The following SPTA1 variants were observed in gnomAD, a reference collection of about 807,000 sequenced individuals.
SPTA1 encodes spectrin alpha chain, erythrocytic 1.
In SPTA1, 177 loss-of-function variants were observed where a neutral mutation model predicts 324.7. The observed-to-expected ratio is 0.55, with a 90% CI of 0.48 to 0.62. The LOEUF is 0.62. Among genes scored for constraint, SPTA1 ranks in the 20% least tolerant of loss-of-function variants. The pLI is 0.00. For synonymous variants in SPTA1, 1,195 were observed against 1,041.3 expected, an observed-to-expected ratio of 1.15 and a Z score of -2.84; for missense variants, 3,162 against 2,883.6, an observed-to-expected ratio of 1.10 and a Z score of -2.21.
chr1:158,650,364 T>C (rs1249078944), intron 24 of SPTA1, among the ~76,000 whole-genome samples: 2 of 152,236 alleles, frequency 1.3e-5, no homozygotes, highest in Admixed American at 6.5e-5. Context: ...AAGTACATTG[T>C]TCCGCTTCGT....
At chr1:158,644,988 G>C (rs1651883167) in intron 29 of SPTA1, among the ~76,000 whole-genome samples, 200 bp downstream of exon 29, 1 of 152,226 alleles carries the variant, frequency 6.6e-6, no homozygotes, top group South Asian at 2.1e-4. Flanking sequence ...ATCTTGTTTG[G>C]CTCTTCTAAC....
intron 11 of SPTA1, 57 bp downstream of exon 11, chr1:158,672,002 G>T: frequency 6.2e-7 from 1 of 1,606,740 alleles, no homozygotes; most frequent in Non-Finnish European, 8.5e-7. Flanking sequence ...TAGTCATGGT[G>T]GCAAATGAAG....
intron 5 of SPTA1, 121 bp from the exon 6 acceptor site, chr1:158,678,655 G>T: frequency 1.6e-6 from 2 of 1,240,056 alleles, no homozygotes; most frequent in Non-Finnish European, 2.3e-6. Flanking sequence ...GACCATTGTA[G>T]CCAGACACTG....
In SPTA1 at chr1:158,671,930, A is replaced by C; in HGVS notation, c.1488+129T>G. 3 of 1,192,026 alleles carry C rather than the reference A, an allele frequency of 2.5e-6. No homozygotes were observed. In the South Asian group the frequency reaches 3.8e-5, roughly 15 times the overall value. 73.8% of individuals were successfully genotyped at this position (1,192,026 alleles called of 1,614,324 possible). On this transcript the variant is annotated intron_variant, in intron 11 of 51. Transcript: ENST00000643759. The stretch of plus-strand genomic sequence containing the variant: ...GGCCCATCTTTTCTTTTTCTTGTGG[A>C]TCACCCTTTAGTTCCCAAGACAAGC...
rs753347949 is a variant in SPTA1, at chr1:158,647,528, C to G, written c.3896+11G>C. 9 of 1,612,676 alleles carry G rather than the reference C, an allele frequency of 5.6e-6. No homozygotes were observed. The highest frequency in any genetic ancestry group is 5.9e-6 in the Non-Finnish European group (7 of 1,179,792). On this transcript the variant is annotated intron_variant, in intron 27 of 51. Coordinates refer to ENST00000643759, the MANE Select transcript of SPTA1 (RefSeq NM_003126.4). ...AGAGGCCAGACACGGAAGTTACCCACCCCACTCTACCTGGCCTTGCTGAGG... is the reference window on the plus strand; with the variant it reads ...AGAGGCCAGACACGGAAGTTACCCAGCCCACTCTACCTGGCCTTGCTGAGG...
intron 33 of SPTA1, among the ~76,000 whole-genome samples, chr1:158,641,875 G>A (rs1651611532): frequency 6.6e-6 from 1 of 152,116 alleles, no homozygotes; most frequent in Admixed American, 6.6e-5. Context: ...GTTTATTGCG[G>A]CACTATTCAC....
chr1:158,631,727 G>A (rs1481407723), intron 39 of SPTA1, among the ~76,000 whole-genome samples: 1 of 152,124 alleles, frequency 6.6e-6, no homozygotes, highest in East Asian at 1.9e-4. Flanking sequence ...TTAGGAAAAT[G>A]CAAATTAAAC....
At chr1:158,656,414 C>G in intron 20 of SPTA1, 150 bp downstream of exon 20, 1 of 731,734 alleles carries the variant, frequency 1.4e-6, no homozygotes. Context: ...ATTGTGGATG[C>G]TACAGTTCCT....
intron 50 of SPTA1, 26 bp downstream of exon 50, chr1:158,613,695 G>C (rs567760429): frequency 6.2e-7 from 1 of 1,613,150 alleles, no homozygotes; most frequent in Admixed American, 1.7e-5. Context: ...TCCCTGCTGC[G>C]GTCTGACCCT....
chr1:158,617,951 T>G (rs1419132343), intron 46 of SPTA1, 88 bp downstream of exon 46: 1 of 1,269,580 alleles, frequency 7.9e-7, no homozygotes, highest in Non-Finnish European at 1.2e-6. Flanking sequence ...TACAATGGAA[T>G]GAAAATGTCT....
chr1:158,650,405 A>C (rs1652337143), intron 24 of SPTA1, among the ~76,000 whole-genome samples: 1 of 152,182 alleles, frequency 6.6e-6, no homozygotes, highest in Non-Finnish European at 1.5e-5. Context: ...CATAACAACC[A>C]CTATAAAAAC....
intron 27 of SPTA1, among the ~76,000 whole-genome samples, chr1:158,646,608 C>T (rs12076831): frequency 0.27 from 40,796 of 152,016 alleles, 5,644 homozygotes; most frequent in Middle Eastern, 0.32. Flanking sequence ...GGTGGGAACA[C>T]TACTCTGAAA....
chr1:158,635,618 A>T (rs1046664783), intron 38 of SPTA1, among the ~76,000 whole-genome samples: 1 of 152,226 alleles, frequency 6.6e-6, no homozygotes, highest in Non-Finnish European at 1.5e-5. Flanking sequence ...AGCAGAACAG[A>T]TGTGTGGCTA....
chr1:158,642,441 G>T lies in SPTA1; in HGVS notation c.4707C>A (p.Ser1569Arg), dbSNP rs764240181. Residue 1569 changes from serine to arginine, a missense_variant, in exon 33 of 52, where the codon AGC (serine) becomes AGA (arginine). By Grantham distance (110) the Ser-to-Arg change is moderately radical. Transcript: ENST00000643759. Reference sequence around the variant, plus strand: ...TGGCCTCTTCATTGCCATCACAAGCGCTACACTCAATCAGGGAGTTCCCCA... The same window carrying T: ...TGGCCTCTTCATTGCCATCACAAGCTCTACACTCAATCAGGGAGTTCCCCA... ...INLGNSLIEC[S>R]ACDGNEEAMK... 2 of 1,613,462 alleles carry T rather than the reference G, an allele frequency of 1.2e-6. No individual in the cohort carries two copies. Among genetic ancestry groups the T allele is most frequent in the East Asian group, 4.5e-5 (2 of 44,858 alleles).
Position 158,615,223 on chromosome 1 carries a change from G to T in SPTA1, c.6781C>A (p.Gln2261Lys). Residue 2261 changes from glutamine (Q) to lysine (K), a missense_variant, in exon 48 of 52, where the codon CAG becomes AAG. Physicochemically the swap from Gln to Lys is moderately conservative, Grantham distance 53. Coordinates refer to ENST00000643759, the MANE Select transcript of SPTA1 (RefSeq NM_003126.4). ...GCCACACGCCCTCAATACTTGGCCT[G>T]GATCTGTTGCTCCAGGTTGTGTTGC... is the stretch of plus-strand genomic sequence containing the variant. The part of the protein sequence containing the change: ...RMQHNLEQQI[Q>K]AKDIKGVSEE... The T allele has an allele frequency of 6.2e-7, 1 of 1,613,242 alleles. No homozygotes were observed. The highest frequency in any genetic ancestry group is 1.1e-5 in the South Asian group (1 of 91,040).
chr1:158,661,870 T>A (rs1653243667), intron 17 of SPTA1, among the ~76,000 whole-genome samples: 2 of 152,208 alleles, frequency 1.3e-5, no homozygotes, highest in African/African-American at 4.8e-5. Flanking sequence ...TTGTAATCAT[T>A]AGAAATAACT....
rs73018289 is a variant in SPTA1 at position 158,668,608 on chromosome 1, A to C, written c.1834-546T>G. On this transcript the variant is annotated intron_variant, in intron 14 of 51. Transcript: ENST00000643759. ...TCAGGAAAATAAACACTTTCAATAG[A>C]TACCGGCCTAGAAATCAAAAGCCTA... Among the ~76,000 whole-genome samples, 1,338 of 152,330 alleles carry C rather than the reference A, an allele frequency of 8.8e-3. 18 individuals carry two copies. The highest frequency in any genetic ancestry group is 0.03 in the African/African-American group (1,260 of 41,572).
chr1:158,649,041 G>A (rs186218699), intron 25 of SPTA1, among the ~76,000 whole-genome samples: 3 of 152,100 alleles, frequency 2.0e-5, no homozygotes, highest in Admixed American at 2.0e-4. Context: ...AGACCTGTCT[G>A]AGTCTGTTTT....
At chr1:158,638,484 C>T (rs1651264609) in intron 35 of SPTA1, among the ~76,000 whole-genome samples, 3 of 152,064 alleles carry the variant, frequency 2.0e-5, no homozygotes, top group Admixed American at 2.0e-4. Context: ...TCCTGTTTCT[C>T]CTTCTGATAT....
Sources: allele counts gnomAD v4.1 joint callset (sites outside exome capture counted in the v4.1 genomes callset), GRCh38; gene constraint gnomAD v4.1.1; transcripts MANE v1.5; gene names NCBI Gene and HGNC (gene_info 2026-07-23, HGNC 2026-07-21).